Variants in ADAMTS6 observed in about 807,000 individuals in gnomAD.
ADAMTS6 encodes the protein A disintegrin and metalloproteinase with thrombospondin motifs 6.
In ADAMTS6, 23 loss-of-function variants were observed where a neutral mutation model predicts 144.3. That is an observed-to-expected ratio of 0.16 (90% CI 0.11 to 0.23). The LOEUF is 0.23. ADAMTS6 is among the 10% of genes least tolerant of loss of function. ADAMTS6 has a pLI of 1.00. For missense variants in ADAMTS6, 999 were observed against 1,379.6 expected (o/e 0.72, Z 4.37); for synonymous variants, 444 against 457.5 (o/e 0.97, Z 0.38).
chr5:65,244,444 TA>T (rs1759460258), intron 14 of ADAMTS6, among the ~76,000 whole-genome samples: 1 of 152,068 alleles, frequency 6.6e-6, no homozygotes, highest in African/African-American at 2.4e-5. Context: ...GGAAGAAAAA[TA>T]AAATGTCCAA....
chr5:65,275,834 C>T (rs1023174199), intron 11 of ADAMTS6, among the ~76,000 whole-genome samples: 1 of 151,806 alleles, frequency 6.6e-6, no homozygotes, highest in Non-Finnish European at 1.5e-5. Context: ...TATCCAAATT[C>T]AAGGAAAAAT....
intron 15 of ADAMTS6, among the ~76,000 whole-genome samples, chr5:65,234,884 A>C (rs1758550335): frequency 6.6e-6 from 1 of 152,222 alleles, no homozygotes; most frequent in African/African-American, 2.4e-5. Flanking sequence ...TGAATGGATA[A>C]GAAAATTGTT....
intron 16 of ADAMTS6, among the ~76,000 whole-genome samples, chr5:65,225,314 C>G (rs1369246859): frequency 6.6e-6 from 1 of 152,152 alleles, no homozygotes; most frequent in Non-Finnish European, 1.5e-5. Context: ...ACTGAATCAT[C>G]AGATATATTT....
chr5:65,300,587 G>A (rs1580335557), intron 9 of ADAMTS6, among the ~76,000 whole-genome samples: 2 of 152,086 alleles, frequency 1.3e-5, no homozygotes. Context: ...GCTATGATCA[G>A]TTGAGTTTTA....
chr5:65,296,713 G>C (rs181619841), intron 10 of ADAMTS6, among the ~76,000 whole-genome samples: 15 of 152,058 alleles, frequency 9.9e-5, no homozygotes, highest in Admixed American at 9.8e-4. Flanking sequence ...TTTCTTCCTA[G>C]GTCAACTCCG....
At chr5:65,209,014 A>G (rs1756309887) in intron 20 of ADAMTS6, among the ~76,000 whole-genome samples, 1 of 152,250 alleles carries the variant, frequency 6.6e-6, no homozygotes, top group Non-Finnish European at 1.5e-5. Flanking sequence ...CAAGCCCTTC[A>G]GGTAACTCTG....
chr5:65,474,014 T>C (rs1249583357), intron 1 of ADAMTS6, 62 bp from the exon 2 acceptor site: 2 of 422,516 alleles, frequency 4.7e-6, no homozygotes, highest in African/African-American at 4.1e-5. Context: ...CCAAGTCCTA[T>C]ATAGTACTGA....
At chr5:65,324,648 T>C (rs372256176) in intron 9 of ADAMTS6, among the ~76,000 whole-genome samples, 1 of 151,936 alleles carries the variant, frequency 6.6e-6, no homozygotes, top group African/African-American at 2.4e-5. Context: ...AATATACACA[T>C]AAATATGATG....
intron 22 of ADAMTS6, among the ~76,000 whole-genome samples, chr5:65,183,976 T>C (rs1205624017): frequency 6.6e-6 from 1 of 152,222 alleles, no homozygotes; most frequent in Non-Finnish European, 1.5e-5. Flanking sequence ...GAAGATATTA[T>C]AAAATTTAGA....
chr5:65,479,093 C>A (rs1761034135), intron 1 of ADAMTS6, among the ~76,000 whole-genome samples: 1 of 152,306 alleles, frequency 6.6e-6, no homozygotes, highest in East Asian at 1.9e-4. Flanking sequence ...TTCTCAACTT[C>A]TTTCATCCAT....
intron 7 of ADAMTS6, among the ~76,000 whole-genome samples, chr5:65,396,222 T>G (rs10068264): frequency 0.56 from 84,838 of 151,990 alleles, 24,879 homozygotes; most frequent in African/African-American, 0.74. Flanking sequence ...TGGGGAGAAA[T>G]TGAATAAATA....
chr5:65,235,084 G>C (rs1317536643), intron 15 of ADAMTS6, among the ~76,000 whole-genome samples: 1 of 152,158 alleles, frequency 6.6e-6, no homozygotes, highest in Non-Finnish European at 1.5e-5. Flanking sequence ...TGGAAATAGG[G>C]AGATGTTGCT....
At chr5:65,338,933 C>T (rs1353621484) in intron 7 of ADAMTS6, among the ~76,000 whole-genome samples, 2 of 152,178 alleles carry the variant, frequency 1.3e-5, no homozygotes, top group African/African-American at 4.8e-5. Context: ...TGTGGGCCAA[C>T]CCTGGCAGAC....
chr5:65,430,572 C>T (rs1756918116), intron 7 of ADAMTS6, among the ~76,000 whole-genome samples: 1 of 152,152 alleles, frequency 6.6e-6, no homozygotes, highest in Non-Finnish European at 1.5e-5. Context: ...AAAAGTCAAC[C>T]AATATCCAAT....
intron 18 of ADAMTS6, among the ~76,000 whole-genome samples, chr5:65,221,922 A>G (rs754694946): frequency 2.0e-5 from 3 of 152,310 alleles, no homozygotes; most frequent in African/African-American, 7.2e-5. Flanking sequence ...GATTTAACAG[A>G]ACATGTGTGC....
In ADAMTS6 at chr5:65,241,972, C is replaced by G. The variant is rs1405513506; in HGVS notation, c.1933+132G>C. The G allele has an allele frequency of 6.0e-6, 3 of 496,728 alleles. No individual in the cohort carries two copies. In the South Asian group the frequency reaches 2.1e-4, roughly 35 times the overall value. 30.8% of individuals were successfully genotyped at this position (496,728 alleles called of 1,614,324 possible). ...GCCTTTATAGTACTATAAGCATTTC[C>G]CTGCTTTTGTTGGCAAACACTAATT... is the stretch of plus-strand genomic sequence containing the variant. On this transcript the variant is annotated intron_variant, in intron 15 of 24. Transcript: ENST00000381055.
intron 11 of ADAMTS6, among the ~76,000 whole-genome samples, chr5:65,274,495 A>G (rs1003438655): frequency 6.6e-6 from 1 of 151,996 alleles, no homozygotes; most frequent in Admixed American, 6.6e-5. Context: ...CTCCCAAAAC[A>G]TAAGAACTCA....
Position 65,226,232 on chromosome 5 carries a change from A to G in ADAMTS6, c.1934-13T>C. ...GGTTTTACCCCACCTGGACAAATAC[A>G]GTAGAAGAGAAATAAGTGGAGTGGT... On this transcript the variant is annotated splice_polypyrimidine_tract_variant and intron_variant, in intron 15 of 24. Coordinates refer to ENST00000381055, the MANE Select transcript of ADAMTS6 (RefSeq NM_197941.4). 1 of 1,609,694 alleles carries G rather than the reference A, an allele frequency of 6.2e-7. No individual in the cohort carries two copies. The highest frequency in any genetic ancestry group is 8.5e-7 in the Non-Finnish European group (1 of 1,177,448).
At chr5:65,386,841 C>T (rs1752514065) in intron 7 of ADAMTS6, among the ~76,000 whole-genome samples, 1 of 152,206 alleles carries the variant, frequency 6.6e-6, no homozygotes, top group Non-Finnish European at 1.5e-5. Context: ...TTCGCCTCGG[C>T]CTCCCAAAAT....
Sources: allele counts gnomAD v4.1 joint callset (sites outside exome capture counted in the v4.1 genomes callset), GRCh38; gene constraint gnomAD v4.1.1; transcripts MANE v1.5; gene names NCBI Gene and HGNC (gene_info 2026-07-23, HGNC 2026-07-21).